The following ESR2 variants were observed in gnomAD, a reference collection of about 807,000 sequenced individuals.
ESR2 encodes estrogen receptor beta.
Under a neutral mutation model 49.6 loss-of-function variants are expected in ESR2, and 36 were observed. The ratio of observed to expected loss-of-function variants is 0.73; its 90% CI spans 0.56 to 0.96. The LOEUF is 0.96. Among genes scored for constraint, ESR2 ranks in the 40% least tolerant of loss-of-function variants. The pLI, the probability that ESR2 is intolerant of heterozygous loss-of-function variation, is 0.00. For synonymous variants in ESR2, 320 were observed against 266.1 expected, an observed-to-expected ratio of 1.20 and a Z score of -1.97; for missense variants, 714 against 693.0, an observed-to-expected ratio of 1.03 and a Z score of -0.34.
At chr14:64,235,512 C>A (rs766734293) in intron 7 of ESR2, among the ~76,000 whole-genome samples, 5 of 152,248 alleles carry the variant, frequency 3.3e-5, no homozygotes, top group Admixed American at 2.0e-4. Flanking sequence ...GAGATTAATT[C>A]TACTTTTAGC....
intron 1 of ESR2, among the ~76,000 whole-genome samples, chr14:64,312,879 A>C (rs1371403136): frequency 2.0e-5 from 3 of 152,146 alleles, no homozygotes; most frequent in Non-Finnish European, 4.4e-5. Context: ...ACTACACTAC[A>C]GCCTGGGGAA....
chr14:64,260,320 A>G (rs2076186725), intron 5 of ESR2, 129 bp downstream of exon 5: 1 of 949,212 alleles, frequency 1.1e-6, no homozygotes, highest in Non-Finnish European at 1.7e-6. Flanking sequence ...AAAAGTTACA[A>G]ATCCAGCTGA....
chr14:64,277,703 T>C (rs2076583843), intron 3 of ESR2, among the ~76,000 whole-genome samples: 1 of 150,938 alleles, frequency 6.6e-6, no homozygotes, highest in Non-Finnish European at 1.5e-5. Flanking sequence ...TTTGAGACAA[T>C]TTTAAAAATA....
intron 1 of ESR2, among the ~76,000 whole-genome samples, chr14:64,307,270 G>C (rs1023744029): frequency 3.9e-5 from 6 of 151,922 alleles, no homozygotes; most frequent in African/African-American, 1.4e-4. Flanking sequence ...GGAGTGCAGT[G>C]GCACGATCTC....
chr14:64,260,020 G>A (rs1005014740), intron 5 of ESR2, among the ~76,000 whole-genome samples: 7 of 152,120 alleles, frequency 4.6e-5, no homozygotes, highest in Non-Finnish European at 1.0e-4. Context: ...GCCTAGGTAG[G>A]TTCCCTGGGT....
chr14:64,322,514 A>G (rs544801237), intron 1 of ESR2, among the ~76,000 whole-genome samples: 2,333 of 135,178 alleles, frequency 0.017, 66 homozygotes, highest in East Asian at 0.087. Context: ...ATCTCCACAG[A>G]AAGGAAAAAA....
At chr14:64,252,185 C>G (rs1306359432) in intron 6 of ESR2, among the ~76,000 whole-genome samples, 1 of 152,002 alleles carries the variant, frequency 6.6e-6, no homozygotes, top group African/African-American at 2.4e-5. Context: ...TGGTAGCATA[C>G]ACCTATAGTC....
intron 7 of ESR2, among the ~76,000 whole-genome samples, chr14:64,240,448 C>T (rs556275281): frequency 1.3e-5 from 2 of 152,326 alleles, no homozygotes; most frequent in African/African-American, 4.8e-5. Flanking sequence ...TTTGGTTCCC[C>T]GCTTGGTGGT....
intron 1 of ESR2, chr14:64,301,266 G>C (rs2077017705): frequency 6.6e-6 from 1 of 152,166 alleles, no homozygotes; most frequent in Admixed American, 6.5e-5. Context: ...CAAATTAATG[G>C]TGGCAATCAG....
At chr14:64,337,183 C>G (rs1275408245) in intron 1 of ESR2, among the ~76,000 whole-genome samples, 1 of 152,216 alleles carries the variant, frequency 6.6e-6, no homozygotes, top group Non-Finnish European at 1.5e-5. Flanking sequence ...GAAAACCAAG[C>G]TGTTGAGGTA....
chr14:64,236,440 G>A (rs937579497), intron 7 of ESR2, among the ~76,000 whole-genome samples: 3 of 152,022 alleles, frequency 2.0e-5, no homozygotes, highest in Non-Finnish European at 4.4e-5. Flanking sequence ...CCTTGGCCCC[G>A]TGTGTCCCCT....
At chr14:64,328,102 G>A in intron 1 of ESR2, among the ~76,000 whole-genome samples, 1 of 149,420 alleles carries the variant, frequency 6.7e-6, no homozygotes, top group Non-Finnish European at 1.5e-5. Context: ...TGCACCTGTA[G>A]TCCCAGTTAC....
intron 1 of ESR2, among the ~76,000 whole-genome samples, chr14:64,312,082 T>C (rs912417805): frequency 2.6e-5 from 4 of 152,088 alleles, no homozygotes; most frequent in African/African-American, 7.2e-5. Context: ...CAGGGAAAAG[T>C]AGAGACATAA....
At chr14:64,245,466 C>G (rs1005779083) in intron 7 of ESR2, among the ~76,000 whole-genome samples, 1 of 130,134 alleles carries the variant, frequency 7.7e-6, no homozygotes, top group African/African-American at 3.0e-5. Flanking sequence ...GAGCCAAGAT[C>G]GCACCATTGC....
At chr14:64,283,358 A>T (rs914944109) in intron 1 of ESR2, among the ~76,000 whole-genome samples, 4 of 152,242 alleles carry the variant, frequency 2.6e-5, no homozygotes, top group African/African-American at 9.6e-5. Flanking sequence ...AAACCAAAAA[A>T]CACAGGATTA....
Position 64,282,850 on chromosome 14 carries a change from T to C in ESR2, c.136A>G (p.Met46Val). Residue 46 changes from methionine (M) to valine (V), a missense_variant, in exon 2 of 9, where the codon ATG becomes GTG. Coordinates refer to ENST00000341099, the MANE Select transcript of ESR2 (RefSeq NM_001437.3). ...YVDSHHEYPA[M>V]TFYSPAVMNY... ...ATCACAGCAGGGCTATAGAATGTCA[T>C]GGCTGGATATTCATGGTGGCTGTCT... The C allele has an allele frequency of 1.9e-6, 3 of 1,614,244 alleles. No individual in the cohort carries two copies. Among genetic ancestry groups the C allele is most frequent in the South Asian group, 1.1e-5 (1 of 91,090 alleles).
chr14:64,295,770 G>C (rs1596469984), upstream of ESR2, among the ~76,000 whole-genome samples: 1 of 152,274 alleles, frequency 6.6e-6, no homozygotes, highest in East Asian at 1.9e-4. Context: ...TCATGGCCAG[G>C]CATGGTGGCT....
At chr14:64,249,853 C>T (rs535217796) in intron 6 of ESR2, among the ~76,000 whole-genome samples, 174 bp from the exon 7 acceptor site, 60 of 152,278 alleles carry the variant, frequency 3.9e-4, no homozygotes, top group African/African-American at 1.1e-3. Context: ...TATGAAATTA[C>T]TAGAATTGTC....
In ESR2 at chr14:64,282,771, T is replaced by C. The variant is rs1473722899; in HGVS notation, c.215A>G (p.Gln72Arg). The change falls in exon 2 of 9, where the codon CAG becomes CGG. Residue 72 changes from glutamine (Q) to arginine (R), a missense_variant. Transcript: ENST00000341099. ...VTNLEGGPGR[Q>R]TTSPNVLWPT... ...CCACAACACATTTGGGCTTGTGGTC[T>C]GCCGACCAGGCCCACCTTCCAAGTT... is the stretch of plus-strand genomic sequence containing the variant. 10 of 1,614,150 alleles carry C rather than the reference T, an allele frequency of 6.2e-6. No homozygotes were observed. Among genetic ancestry groups the C allele is most frequent in the Non-Finnish European group, 8.5e-6 (10 of 1,180,054 alleles).
Sources: gnomAD v4.1 joint callset for allele counts (sites outside exome capture counted in the v4.1 genomes callset) on GRCh38, gnomAD v4.1.1 for gene constraint, MANE v1.5 for transcripts, NCBI Gene and HGNC (gene_info 2026-07-23, HGNC 2026-07-21) for gene names.